Variants in ASCC3 observed in about 807,000 individuals in gnomAD.
The protein encoded by ASCC3 is activating signal cointegrator 1 complex subunit 3.
ASCC3 carries 158 observed loss-of-function variants against 256.3 expected under a neutral mutation model. That is an observed-to-expected ratio of 0.62 (90% CI 0.54 to 0.70). ASCC3 has a LOEUF of 0.70. Ranked by LOEUF, ASCC3 falls within the 30% of genes least tolerant of loss-of-function variation. ASCC3 has a pLI of 0.00. For missense variants in ASCC3, 2,259 were observed against 2,626.0 expected (o/e 0.86, Z 3.05); for synonymous variants, 948 against 883.4 (o/e 1.07, Z -1.30).
chr6:100,646,307 T>TATC (rs1775376312), intron 22 of ASCC3, among the ~76,000 whole-genome samples: 1 of 151,864 alleles, frequency 6.6e-6, no homozygotes, highest in Non-Finnish European at 1.5e-5. Context: ...AATTTTTTAC[T>TATC]ATTATTATTA....
intron 1 of ASCC3, among the ~76,000 whole-genome samples, chr6:100,879,169 T>C (rs559332059): frequency 4.3e-4 from 65 of 152,344 alleles, no homozygotes; most frequent in African/African-American, 1.5e-3. Flanking sequence ...GGGTAATTTA[T>C]AAGGGAAGGG....
At chr6:100,653,552 C>G (rs962424001) in intron 17 of ASCC3, among the ~76,000 whole-genome samples, 1 of 151,514 alleles carries the variant, frequency 6.6e-6, no homozygotes, top group Non-Finnish European at 1.5e-5. Flanking sequence ...GCAGGAGAAT[C>G]ACTTGAACCC....
At chr6:100,674,830 A>C (rs964491753) in intron 14 of ASCC3, among the ~76,000 whole-genome samples, 1 of 151,838 alleles carries the variant, frequency 6.6e-6, no homozygotes, top group Non-Finnish European at 1.5e-5. Context: ...ACGGGGTTTC[A>C]CCATGTTGCC....
intron 10 of ASCC3, among the ~76,000 whole-genome samples, chr6:100,742,963 T>A (rs1020503572): frequency 5.3e-5 from 8 of 152,192 alleles, no homozygotes; most frequent in Admixed American, 1.3e-4. Context: ...TCTCTCGCCT[T>A]GCCAGGGATC....
intron 37 of ASCC3, chr6:100,530,891 C>A: frequency 7.9e-7 from 1 of 1,267,700 alleles, no homozygotes; most frequent in Non-Finnish European, 1.2e-6. Context: ...ACATCACAAA[C>A]AATCAATACC....
intron 30 of ASCC3, among the ~76,000 whole-genome samples, chr6:100,624,408 CA>C (rs1162418739): frequency 2.6e-5 from 4 of 151,260 alleles, no homozygotes; most frequent in African/African-American, 9.7e-5. Context: ...TTCAACCAAT[CA>C]AAAATGAAGG....
chr6:100,764,269 C>T (rs767901587), intron 10 of ASCC3, among the ~76,000 whole-genome samples: 4 of 152,018 alleles, frequency 2.6e-5, no homozygotes, highest in African/African-American at 9.7e-5. Context: ...AATGGTGCTA[C>T]GGGATTCAGG....
chr6:100,670,568 C>T (rs550316557), intron 14 of ASCC3, among the ~76,000 whole-genome samples: 1 of 112,690 alleles, frequency 8.9e-6, no homozygotes, highest in Non-Finnish European at 1.8e-5. Context: ...ACCATCTTCC[C>T]CCCCCCCAAA....
At chr6:100,531,990 A>G (rs903161168) in intron 37 of ASCC3, among the ~76,000 whole-genome samples, 9 of 150,978 alleles carry the variant, frequency 6.0e-5, no homozygotes, top group African/African-American at 2.2e-4. Context: ...TTTTGTTTTT[A>G]CTTTTTTTTT....
intron 1 of ASCC3, among the ~76,000 whole-genome samples, chr6:100,876,026 C>G (rs1342182242): frequency 1.3e-5 from 2 of 151,802 alleles, no homozygotes; most frequent in East Asian, 1.9e-4. Context: ...CAGGGGAGAG[C>G]AAAGAGAGAA....
chr6:100,620,246 G>A (rs1773881289), intron 30 of ASCC3, among the ~76,000 whole-genome samples: 1 of 152,140 alleles, frequency 6.6e-6, no homozygotes, highest in Non-Finnish European at 1.5e-5. Flanking sequence ...ATAGCTTGAG[G>A]TTAGTGGCAG....
chr6:100,766,982 A>G (rs1010792306), intron 9 of ASCC3, among the ~76,000 whole-genome samples, 163 bp downstream of exon 9: 1 of 152,236 alleles, frequency 6.6e-6, no homozygotes, highest in African/African-American at 2.4e-5. Context: ...TCATAACACA[A>G]ATAAGAACTG....
chr6:100,562,709 T>C (rs1402854032), intron 36 of ASCC3, among the ~76,000 whole-genome samples: 2 of 152,114 alleles, frequency 1.3e-5, no homozygotes, highest in African/African-American at 2.4e-5. Context: ...ACCATTTGTA[T>C]ACATTTGTGT....
intron 10 of ASCC3, among the ~76,000 whole-genome samples, chr6:100,734,253 G>T (rs1016605828): frequency 7.9e-5 from 12 of 152,096 alleles, no homozygotes; most frequent in African/African-American, 2.9e-4. Context: ...GGAAAACACT[G>T]ACTGAAGATT....
At chr6:100,742,436 C>T (rs1480065107) in intron 10 of ASCC3, among the ~76,000 whole-genome samples, 1 of 152,154 alleles carries the variant, frequency 6.6e-6, no homozygotes, top group Non-Finnish European at 1.5e-5. Context: ...CACATTTGGG[C>T]TGTTTGGACT....
intron 16 of ASCC3, among the ~76,000 whole-genome samples, chr6:100,657,232 A>C (rs897487619): frequency 1.3e-5 from 2 of 151,448 alleles, no homozygotes; most frequent in African/African-American, 4.8e-5. Context: ...CTAACTTTTA[A>C]ATTTATATTA....
chr6:100,747,775 A>C (rs1343443131), intron 10 of ASCC3, among the ~76,000 whole-genome samples: 2 of 152,122 alleles, frequency 1.3e-5, no homozygotes, highest in Non-Finnish European at 2.9e-5. Flanking sequence ...TGATGGTTCC[A>C]TAGGTATACA....
At chr6:100,561,476 T>G (rs576034662) in intron 36 of ASCC3, among the ~76,000 whole-genome samples, 1 of 152,130 alleles carries the variant, frequency 6.6e-6, no homozygotes, top group East Asian at 1.9e-4. Flanking sequence ...AACAAAACCC[T>G]GCTTTTAAGT....
intron 38 of ASCC3, among the ~76,000 whole-genome samples, chr6:100,516,576 T>C (rs984353322): frequency 6.6e-6 from 1 of 152,146 alleles, no homozygotes; most frequent in Admixed American, 6.6e-5. Flanking sequence ...TTCACAGACA[T>C]TGGGTGTCTT....
Sources: gnomAD v4.1 joint callset for allele counts (sites outside exome capture counted in the v4.1 genomes callset) on GRCh38, gnomAD v4.1.1 for gene constraint, MANE v1.5 for transcripts, NCBI Gene and HGNC (gene_info 2026-07-23, HGNC 2026-07-21) for gene names.